Variants in CLN3 observed in about 807,000 individuals in gnomAD.
CLN3 encodes the protein battenin.
A neutral mutation model predicts 60.7 loss-of-function variants in CLN3; 49 were observed. That is an observed-to-expected ratio of 0.81 (90% CI 0.64 to 1.02). The LOEUF (loss-of-function observed/expected upper bound fraction) is 1.02. Ranked by LOEUF, CLN3 falls within the 50% of genes least tolerant of loss-of-function variation. CLN3 has a pLI of 0.00. For missense variants in CLN3, 516 were observed against 557.4 expected (o/e 0.93, Z 0.75); for synonymous variants, 256 against 245.8 (o/e 1.04, Z -0.39).
Position 28,484,098 on chromosome 16 carries a change from G to T in CLN3, c.698C>A (p.Ser233Tyr), listed in dbSNP as rs2046161412. ...LLASYFLLLT[S>Y]PEAQDPGGEE... ...CCCTCCAGGGTCCTGGGCCTCAGGA[G>T]ATGTGAGCAACAAGAAATAGCTAGG... The change falls in exon 10 of 16, where the codon TCT becomes TAT. Residue 233 changes from serine (S) to tyrosine (Y), a missense_variant. Coordinates refer to ENST00000636147, the MANE Select transcript of CLN3 (RefSeq NM_001042432.2). 1.2e-6 allele frequency: 2 copies of T among 1,611,118 alleles called. No individual in the cohort carries two copies. The highest frequency in any genetic ancestry group is 3.4e-5 in the Admixed American group (2 of 59,566).
intron 9 of CLN3, among the ~76,000 whole-genome samples, chr16:28,486,037 G>A (rs571098672): frequency 8.7e-5 from 13 of 149,734 alleles, no homozygotes; most frequent in Non-Finnish European, 1.0e-4. Flanking sequence ...TAACTCTGTC[G>A]CCCGGGCTGG....
intron 14 of CLN3, 30 bp from the exon 15 acceptor site, chr16:28,477,907 G>A (rs994185262): frequency 5.6e-6 from 9 of 1,612,210 alleles, no homozygotes; most frequent in Non-Finnish European, 7.6e-6. Flanking sequence ...CTAAGCCTGG[G>A]ACCAGGGCGG....
Position 28,484,046 on chromosome 16 carries a change from C to T in CLN3, c.750G>A (p.Arg250=). Residue 250 remains arginine (R), a synonymous_variant, in exon 10 of 16, where the codon CGG becomes CGA. Transcript: ENST00000636147. ...GGGCCTCGGTTCTTATGAGGGGCTG[C>T]CGGGCTGCGCTCTCTGCTTCTTCTT... The part of the protein sequence containing the change: ...GGEEEAESAA[R]QPLIRTEAPE... 6.2e-7 allele frequency: 1 copy of T among 1,612,176 alleles called. No homozygotes were observed. Among genetic ancestry groups the T allele is most frequent in the Non-Finnish European group, 8.5e-7 (1 of 1,179,232 alleles).
chr16:28,490,959 T>G (rs1212438199), intron 3 of CLN3: 1 of 154,142 alleles, frequency 6.5e-6, no homozygotes, highest in Non-Finnish European at 1.4e-5. Context: ...TAGCCACACC[T>G]ACTTGGAGGC....
At chr16:28,482,713 C>T (rs975069035) in intron 10 of CLN3, 41 bp from the exon 11 acceptor site, 2 of 1,609,586 alleles carry the variant, frequency 1.2e-6, no homozygotes, top group Non-Finnish European at 1.7e-6. Flanking sequence ...GAAGTTTTCA[C>T]ACTGAAGACT....
rs1328657534 is a variant in CLN3 at position 28,486,380 on chromosome 16, G to A, written c.644C>T (p.Ser215Phe). Residue 215 changes from serine (S) to phenylalanine (F), a missense_variant, in exon 9 of 16, where the codon TCC (serine) becomes TTC (phenylalanine). Ser to Phe is a radical substitution (Grantham distance 155, BLOSUM62 -2). Transcript: ENST00000636147. ...CAGCAGGGCAGGGATACCCAGCATGGACAGCAGGGTCTGCTGAGGGGAGAG... is the reference window on the plus strand; with the variant it reads ...CAGCAGGGCAGGGATACCCAGCATGAACAGCAGGGTCTGCTGAGGGGAGAG... ...AGLSPQQTLL[S>F]MLGIPALLLA... The A allele has an allele frequency of 1.2e-6, 2 of 1,612,750 alleles. No individual in the cohort carries two copies. The highest frequency in any genetic ancestry group is 1.7e-6 in the Non-Finnish European group (2 of 1,180,020).
At chr16:28,488,521 G>C (rs890932880) in intron 5 of CLN3, 70 bp downstream of exon 5, 245 of 1,359,336 alleles carry the variant, frequency 1.8e-4, no homozygotes, top group Non-Finnish European at 7.1e-5. Flanking sequence ...GGGTAGTGAA[G>C]GGCTGGGAGT....
intron 10 of CLN3, among the ~76,000 whole-genome samples, chr16:28,482,879 G>A (rs757674839): frequency 2.4e-4 from 36 of 152,122 alleles, no homozygotes; most frequent in Non-Finnish European, 4.1e-4. Context: ...TGAGGTGGGC[G>A]GATCACCTGA....
Position 28,484,023 on chromosome 16 carries a change from G to C in CLN3, c.773C>G (p.Ala258Gly). Residue 258 changes from alanine (A) to glycine (G), a missense_variant, in exon 10 of 16, where the codon GCC (alanine) becomes GGC (glycine). Ala to Gly is a moderately conservative substitution (Grantham distance 60). Transcript: ENST00000636147. ...TCTCCTACCTGGCTTCGACTCCGGGGCCTCGGTTCTTATGAGGGGCTGCCG... is the reference window on the plus strand; with the variant it reads ...TCTCCTACCTGGCTTCGACTCCGGGCCCTCGGTTCTTATGAGGGGCTGCCG... ...AARQPLIRTEAPESKPGSSSS... is the reference protein window; with the variant it reads ...AARQPLIRTEGPESKPGSSSS... 6.2e-7 allele frequency: 1 copy of C among 1,610,154 alleles called. No homozygotes were observed. Among genetic ancestry groups the C allele is most frequent in the Non-Finnish European group, 8.5e-7 (1 of 1,178,336 alleles).
chr16:28,489,240 C>G (rs747314879), intron 4 of CLN3, 50 bp downstream of exon 4: 1 of 1,434,790 alleles, frequency 7.0e-7, no homozygotes, highest in Non-Finnish European at 9.7e-7. Flanking sequence ...CCCACCCCCT[C>G]ATCTTCCCAC....
Position 28,482,614 on chromosome 16 carries a change from C to G in CLN3, c.837+12G>C. On this transcript the variant is annotated intron_variant, in intron 11 of 15. Coordinates refer to ENST00000636147, the MANE Select transcript of CLN3 (RefSeq NM_001042432.2). ...AAGCCCCACAGGGACATACCCCAGC[C>G]ATCATCCGAACCTTGAACACTGTCC... 6.2e-7 allele frequency: 1 copy of G among 1,614,184 alleles called. No individual in the cohort carries two copies.
In CLN3 at chr16:28,477,762, T is replaced by C; in HGVS notation, c.1172A>G (p.Asn391Ser). The change falls in exon 15 of 16, where the codon AAC becomes AGC. Residue 391 changes from asparagine (N) to serine (S), a missense_variant. Transcript: ENST00000636147. ...EGLLGGAAYV[N>S]TFHNIALETS... is the part of the protein sequence containing the mutation. ...CTCCAGGGCGATGTTGTGGAAGGTG[T>C]TCACGTAGGCTGCGCCTCCCAGGAG... 6.2e-7 allele frequency: 1 copy of C among 1,614,078 alleles called. No homozygotes were observed. The highest frequency in any genetic ancestry group is 8.5e-7 in the Non-Finnish European group (1 of 1,180,006).
chr16:28,487,378 G>T, intron 7 of CLN3, 78 bp downstream of exon 7: 1 of 1,168,744 alleles, frequency 8.6e-7, no homozygotes, highest in Non-Finnish European at 1.3e-6. Flanking sequence ...TCCTCTGGGA[G>T]GCTGGGGAGA....
At chr16:28,488,535 G>T in intron 5 of CLN3, 56 bp downstream of exon 5, 1 of 1,502,908 alleles carries the variant, frequency 6.7e-7, no homozygotes, top group Non-Finnish European at 9.3e-7. Flanking sequence ...TGGGAGTGGG[G>T]TCTATAGACC....
At chr16:28,477,271 A>G (rs541654570), downstream of CLN3, 20 of 563,510 alleles carry the variant, frequency 3.5e-5, no homozygotes, top group South Asian at 4.1e-4. Flanking sequence ...CAAAAACGAT[A>G]TAAGAAGTCC....
downstream of CLN3, among the ~76,000 whole-genome samples, chr16:28,473,431 G>C (rs1011822517): frequency 1.3e-5 from 2 of 151,828 alleles, no homozygotes; most frequent in Non-Finnish European, 2.9e-5. Context: ...ACCTTGCAAT[G>C]TTGCTCATGC....
At chr16:28,471,783 AT>A (rs1214035517), downstream of CLN3, among the ~76,000 whole-genome samples, 1 of 148,386 alleles carries the variant, frequency 6.7e-6, no homozygotes, top group Non-Finnish European at 1.5e-5. Flanking sequence ...ATCTATAATC[AT>A]CTTACTGCCT....
At chr16:28,485,245 A>C (rs2046186725) in intron 9 of CLN3, among the ~76,000 whole-genome samples, 1 of 144,920 alleles carries the variant, frequency 6.9e-6, no homozygotes, top group African/African-American at 2.5e-5. Flanking sequence ...GCCCGGCCAA[A>C]GTGTTTTGTA....
In CLN3 at chr16:28,488,790, C is replaced by T. The variant is rs1001151881; in HGVS notation, c.223-128G>A. The T allele has an allele frequency of 3.5e-6, 3 of 851,910 alleles. No individual in the cohort carries two copies. In the African/African-American group the frequency reaches 5.0e-5, roughly 14 times the overall value. The allele number at this position is 851,910 out of a possible 1,614,324, so 52.8% of individuals were successfully genotyped here. ...GTCAGCAGTGACTGACTTCTCAGGACCTCAGCGTCTCTGCATGCACAATGA... is the reference window on the plus strand; with the variant it reads ...GTCAGCAGTGACTGACTTCTCAGGATCTCAGCGTCTCTGCATGCACAATGA... On this transcript the variant is annotated intron_variant, in intron 4 of 15. Coordinates refer to ENST00000636147, the MANE Select transcript of CLN3 (RefSeq NM_001042432.2).
Sources: gnomAD v4.1 joint callset for allele counts (sites outside exome capture counted in the v4.1 genomes callset) on GRCh38, gnomAD v4.1.1 for gene constraint, MANE v1.5 for transcripts, NCBI Gene and HGNC (gene_info 2026-07-23, HGNC 2026-07-21) for gene names.